The following NDC80 variants were observed in gnomAD, a reference collection of about 807,000 sequenced individuals.
NDC80 encodes the protein kinetochore protein NDC80 homolog.
A neutral mutation model predicts 89.3 loss-of-function variants in NDC80; 69 were observed. That is an observed-to-expected ratio of 0.77 (90% CI 0.64 to 0.94). The LOEUF is 0.94. NDC80 is among the 40% of genes least tolerant of loss of function. The probability of loss-of-function intolerance (pLI) is 0.00; values close to 1 mark genes in which losing one functional copy is unlikely to be tolerated. For synonymous variants in NDC80, 243 were observed against 255.6 expected, an observed-to-expected ratio of 0.95 and a Z score of 0.47; for missense variants, 593 against 739.6, an observed-to-expected ratio of 0.80 and a Z score of 2.30.
At chr18:2,604,921 A>G (rs1395004179) in intron 13 of NDC80, among the ~76,000 whole-genome samples, 1 of 152,210 alleles carries the variant, frequency 6.6e-6, no homozygotes, top group African/African-American at 2.4e-5. Flanking sequence ...TGAGAGGTGC[A>G]TGAGACGAGA....
chr18:2,581,790 T>G (rs2072579314), intron 6 of NDC80, among the ~76,000 whole-genome samples: 1 of 152,202 alleles, frequency 6.6e-6, no homozygotes, highest in Non-Finnish European at 1.5e-5. Context: ...CTAATATATT[T>G]TATCTAGAAG....
At chr18:2,603,915 A>G (rs1568009443) in intron 13 of NDC80, among the ~76,000 whole-genome samples, 2 of 152,252 alleles carry the variant, frequency 1.3e-5, no homozygotes, top group Non-Finnish European at 2.9e-5. Context: ...CATAGAGCAT[A>G]AAGAGACCTA....
chr18:2,597,636 C>T (rs1013806142), intron 11 of NDC80, among the ~76,000 whole-genome samples: 8 of 151,934 alleles, frequency 5.3e-5, no homozygotes, highest in Non-Finnish European at 1.0e-4. Flanking sequence ...GAGGCTGAGG[C>T]AGGAGAATCG....
At chr18:2,616,369 T>G (rs2072783465) in intron 16 of NDC80, 68 bp from the exon 17 acceptor site, 1 of 1,143,804 alleles carries the variant, frequency 8.7e-7, no homozygotes. Context: ...GTTTGTAAAT[T>G]TTACAATTAA....
Position 2,606,315 on chromosome 18 carries a change from A to G in NDC80, c.1465-100A>G, listed in dbSNP as rs2072711214. 9 of 666,250 alleles carry G rather than the reference A, an allele frequency of 1.4e-5. 1 individual carries two copies. In the South Asian group the frequency reaches 1.5e-4, roughly 11 times the overall value. 41.3% of individuals were successfully genotyped at this position (666,250 alleles called of 1,614,324 possible). ...GTCCAAAAGGACTAGAAGAAATAAC[A>G]TTGTTCAGTTAGTTGATTGATAATA... On this transcript the variant is annotated intron_variant, in intron 13 of 16. Transcript: ENST00000261597.
chr18:2,575,482 C>T (rs2644187), intron 3 of NDC80, among the ~76,000 whole-genome samples: 112,256 of 151,858 alleles, frequency 0.74, 41,790 homozygotes, highest in East Asian at 0.86. Context: ...GGCAGGCATG[C>T]AGACCAGGTG....
At chr18:2,607,959 T>C (rs2072721503) in intron 14 of NDC80, among the ~76,000 whole-genome samples, 1 of 80,628 alleles carries the variant, frequency 1.2e-5, no homozygotes, top group African/African-American at 5.3e-5. Flanking sequence ...TTTACATATA[T>C]ACATAGTATA....
chr18:2,590,304 ATT>A (rs1189794958), intron 10 of NDC80, 142 bp downstream of exon 10: 1 of 844,042 alleles, frequency 1.2e-6, no homozygotes, highest in African/African-American at 1.8e-5. Context: ...TGTGTTTCGT[ATT>A]TGTTTCCTAA....
At position 2,595,555 on chromosome 18, in the gene NDC80, G is replaced by A; in HGVS notation, c.1155G>A (p.Lys385=). ...ELQQTINKLT[K]DLEAEQQKLW... ...AGCAGACTATTAATAAATTAACCAA[G>A]GACCTGGAAGCTGAACAACAGAAGT... The change falls in exon 11 of 17, where the codon AAG becomes AAA. Residue 385 remains lysine (K), a synonymous_variant. Coordinates refer to ENST00000261597, the MANE Select transcript of NDC80 (RefSeq NM_006101.3). The A allele has an allele frequency of 6.2e-7, 1 of 1,613,820 alleles. No homozygotes were observed. Among genetic ancestry groups the A allele is most frequent in the South Asian group, 1.1e-5 (1 of 91,072 alleles).
chr18:2,576,721 C>T (rs1481625261), intron 3 of NDC80, among the ~76,000 whole-genome samples: 2 of 152,092 alleles, frequency 1.3e-5, no homozygotes, highest in Non-Finnish European at 2.9e-5. Context: ...GCATAAGTGA[C>T]ACAAATGCGT....
At chr18:2,614,418 A>G (rs1180100421) in intron 16 of NDC80, 3 of 202,618 alleles carry the variant, frequency 1.5e-5, no homozygotes, top group Admixed American at 5.6e-5. Flanking sequence ...GCCTGGCTAC[A>G]GAGCAAGATG....
chr18:2,584,131 T>C (rs1254290598), intron 6 of NDC80, among the ~76,000 whole-genome samples: 2 of 151,536 alleles, frequency 1.3e-5, no homozygotes, highest in African/African-American at 4.9e-5. Context: ...CTACTGAAAA[T>C]ATAAAAATTA....
intron 7 of NDC80, among the ~76,000 whole-genome samples, chr18:2,585,423 G>T (rs2072598840): frequency 6.6e-6 from 1 of 152,146 alleles, no homozygotes; most frequent in South Asian, 2.1e-4. Flanking sequence ...CTAGCTTACA[G>T]TTGGGCAAAA....
intron 8 of NDC80, 115 bp from the exon 9 acceptor site, chr18:2,589,089 T>C (rs1598238407): frequency 2.9e-6 from 2 of 699,688 alleles, no homozygotes; most frequent in Admixed American, 2.4e-5. Context: ...ACTTCACTAA[T>C]AGTGTTTTGG....
chr18:2,573,068 G>T lies in NDC80; in HGVS notation c.83G>T (p.Gly28Val). 1 of 1,613,766 alleles carries T rather than the reference G, an allele frequency of 6.2e-7. No homozygotes were observed. Among genetic ancestry groups the T allele is most frequent in the Non-Finnish European group, 8.5e-7 (1 of 1,179,804 alleles). The change falls in exon 2 of 17, where the codon GGC becomes GTC. Residue 28 changes from glycine to valine, a missense_variant. Gly to Val is a moderately radical substitution (Grantham distance 109). Transcript: ENST00000261597. ...ELRSQDVNKQ[G>V]LYTPQTKEKP... is the part of the protein sequence containing the mutation. ...AGATCCCAGGATGTAAATAAACAAG[G>T]CCTCTATACCCCTCAAACGTGAGTA...
intron 8 of NDC80, 127 bp from the exon 9 acceptor site, chr18:2,589,077 G>A (rs913677266): frequency 1.5e-6 from 1 of 663,914 alleles, no homozygotes; most frequent in Non-Finnish European, 2.7e-6. Flanking sequence ...AGGATGGGAT[G>A]TACTTCACTA....
At chr18:2,605,280 G>A (rs1400544170) in intron 13 of NDC80, among the ~76,000 whole-genome samples, 25 of 39,592 alleles carry the variant, frequency 6.3e-4, no homozygotes, top group African/African-American at 2.6e-3. Context: ...ATGTATGTGT[G>A]TGTGTGTGTG....
chr18:2,603,378 T>TATATATATAC (rs1491296244), intron 13 of NDC80, among the ~76,000 whole-genome samples: 1 of 143,496 alleles, frequency 7.0e-6, no homozygotes, highest in Admixed American at 6.9e-5. Context: ...TATATATATA[T>TATATATATAC]ACACCTATGT....
intron 1 of NDC80, among the ~76,000 whole-genome samples, 159 bp downstream of exon 1, chr18:2,571,842 G>C (rs1478410670): frequency 2.6e-5 from 4 of 152,186 alleles, no homozygotes; most frequent in African/African-American, 7.2e-5. Flanking sequence ...CGAGGCGCTG[G>C]TTTCACGGGA....
Sources: gnomAD v4.1 joint callset for allele counts (sites outside exome capture counted in the v4.1 genomes callset) on GRCh38, gnomAD v4.1.1 for gene constraint, MANE v1.5 for transcripts, NCBI Gene and HGNC (gene_info 2026-07-23, HGNC 2026-07-21) for gene names.